Variants in SLC9A9 observed in about 807,000 individuals in gnomAD.
SLC9A9 encodes the protein sodium/hydrogen exchanger 9.
Under a neutral mutation model 77.8 loss-of-function variants are expected in SLC9A9, and 62 were observed. That is an observed-to-expected ratio of 0.80 (90% confidence interval 0.65 to 0.98). The LOEUF (loss-of-function observed/expected upper bound fraction) is 0.98. Ranked by LOEUF, SLC9A9 falls within the 50% of genes least tolerant of loss-of-function variation. The pLI, the probability that SLC9A9 is intolerant of heterozygous loss-of-function variation, is 0.00. For missense variants in SLC9A9, 775 were observed against 774.9 expected (o/e 1.00, Z 0.00); for synonymous variants, 320 against 283.5 (o/e 1.13, Z -1.29).
At chr3:143,448,480 G>A (rs116554846) in intron 12 of SLC9A9, among the ~76,000 whole-genome samples, 2,068 of 152,144 alleles carry the variant, frequency 0.014, 51 homozygotes, top group African/African-American at 0.047. Context: ...TCTGGAATCA[G>A]GACAAAGTTT....
chr3:143,664,828 CA>C (rs1201014745), intron 5 of SLC9A9, among the ~76,000 whole-genome samples: 2 of 152,218 alleles, frequency 1.3e-5, no homozygotes, highest in African/African-American at 4.8e-5. Context: ...CACCCAGCTT[CA>C]TAAAGCAAGT....
At chr3:143,452,719 T>C (rs1240668459) in intron 12 of SLC9A9, among the ~76,000 whole-genome samples, 1 of 139,282 alleles carries the variant, frequency 7.2e-6, no homozygotes, top group Non-Finnish European at 1.6e-5. Context: ...ACTTTGGTTA[T>C]CTAAGAGAAT....
At chr3:143,520,837 G>A (rs1384509618) in intron 9 of SLC9A9, among the ~76,000 whole-genome samples, 1 of 152,186 alleles carries the variant, frequency 6.6e-6, no homozygotes, top group Admixed American at 6.5e-5. Flanking sequence ...GACCACTGAT[G>A]TTGAACATTT....
rs552698710 is a variant in SLC9A9, at chr3:143,368,261, A to T, written c.1525-4698T>A. 8.2e-4 allele frequency among the ~76,000 whole-genome samples: 125 copies of T among 152,312 alleles called. No individual in the cohort carries two copies. The Middle Eastern group carries it at 0.01, about 12-fold the overall frequency. On this transcript the variant is annotated intron_variant, in intron 13 of 15. Transcript: ENST00000316549. ...ACACCCTCTAGAGAGGGAGCAACAG[A>T]AAAATTATGATGGTACTCTGTTTTG...
chr3:143,384,298 C>T (rs1020000239), intron 12 of SLC9A9, among the ~76,000 whole-genome samples: 5 of 152,132 alleles, frequency 3.3e-5, no homozygotes, highest in Non-Finnish European at 7.3e-5. Context: ...CCAGGCCACT[C>T]TCACAGCTGT....
intron 6 of SLC9A9, among the ~76,000 whole-genome samples, chr3:143,641,503 C>A (rs1034858126): frequency 2.1e-5 from 3 of 144,000 alleles, no homozygotes; most frequent in African/African-American, 7.7e-5. Context: ...ATGCCATTAT[C>A]CTGCTTCAGC....
chr3:143,491,058 G>T (rs1347972576), intron 11 of SLC9A9, among the ~76,000 whole-genome samples: 1 of 152,104 alleles, frequency 6.6e-6, no homozygotes, highest in East Asian at 1.9e-4. Flanking sequence ...GTGCACCTCG[G>T]CCCAAGATGA....
At chr3:143,678,424 A>T (rs2108771111) in intron 5 of SLC9A9, among the ~76,000 whole-genome samples, 1 of 152,258 alleles carries the variant, frequency 6.6e-6, no homozygotes, top group Admixed American at 6.5e-5. Flanking sequence ...GTAGTTTTTT[A>T]AAATTTCATT....
intron 4 of SLC9A9, among the ~76,000 whole-genome samples, chr3:143,737,966 A>G (rs1934985036): frequency 6.6e-6 from 1 of 152,202 alleles, no homozygotes; most frequent in African/African-American, 2.4e-5. Flanking sequence ...TAAAAACCCT[A>G]TGAGAATGTA....
At chr3:143,284,296 A>G (rs1239265083) in intron 14 of SLC9A9, among the ~76,000 whole-genome samples, 1 of 152,166 alleles carries the variant, frequency 6.6e-6, no homozygotes, top group East Asian at 1.9e-4. Flanking sequence ...GTCCCAAATG[A>G]TAATTGTTCT....
At chr3:143,444,404 A>G (rs1029428870) in intron 12 of SLC9A9, among the ~76,000 whole-genome samples, 1 of 152,210 alleles carries the variant, frequency 6.6e-6, no homozygotes, top group African/African-American at 2.4e-5. Context: ...GGCAGATGCA[A>G]CCAGCCCAGG....
intron 14 of SLC9A9, among the ~76,000 whole-genome samples, chr3:143,282,563 T>C (rs1342098861): frequency 1.3e-5 from 2 of 152,168 alleles, no homozygotes; most frequent in Non-Finnish European, 2.9e-5. Context: ...GCCAATGAAA[T>C]AGAAGTTCTT....
intron 12 of SLC9A9, among the ~76,000 whole-genome samples, chr3:143,433,286 GCTGGGTT>G (rs2034559308): frequency 6.6e-6 from 1 of 152,140 alleles, no homozygotes; most frequent in Non-Finnish European, 1.5e-5. Context: ...AGAGATGGTT[GCTGGGTT>G]CTTTGGGGGG....
At chr3:143,660,649 C>T (rs1245802247) in intron 5 of SLC9A9, among the ~76,000 whole-genome samples, 1 of 152,186 alleles carries the variant, frequency 6.6e-6, no homozygotes, top group Non-Finnish European at 1.5e-5. Context: ...GCAGTTCTAG[C>T]AAACAAATAC....
At chr3:143,359,396 A>G (rs2108480756) in intron 14 of SLC9A9, among the ~76,000 whole-genome samples, 1 of 152,280 alleles carries the variant, frequency 6.6e-6, no homozygotes, top group Middle Eastern at 3.4e-3. Context: ...GGTGAAAAAA[A>G]TAAAGCAGGA....
At chr3:143,378,606 G>A (rs6440165) in intron 13 of SLC9A9, among the ~76,000 whole-genome samples, 119,442 of 152,100 alleles carry the variant, frequency 0.79, 47,057 homozygotes, top group African/African-American at 0.81. Context: ...TTCTATTAAA[G>A]GACTGAAGGC....
chr3:143,313,045 G>A (rs994684259), intron 14 of SLC9A9: 1 of 152,144 alleles, frequency 6.6e-6, no homozygotes, highest in South Asian at 2.1e-4. Context: ...GGCTGAGGAA[G>A]TTAAAAAAAA....
chr3:143,579,607 A>AT (rs994339241), intron 6 of SLC9A9, among the ~76,000 whole-genome samples: 24 of 151,602 alleles, frequency 1.6e-4, no homozygotes, highest in African/African-American at 2.7e-4. Context: ...GACATTTCAG[A>AT]TTTTTTTTTG....
chr3:143,788,688 CAAAAAA>C (rs71140455), intron 4 of SLC9A9, among the ~76,000 whole-genome samples: 3 of 89,908 alleles, frequency 3.3e-5, no homozygotes. Flanking sequence ...GAGACTCCAT[CAAAAAA>C]AAAAAAAAAA....
Sources: allele counts gnomAD v4.1 joint callset (sites outside exome capture counted in the v4.1 genomes callset), GRCh38; gene constraint gnomAD v4.1.1; transcripts MANE v1.5; gene names NCBI Gene and HGNC (gene_info 2026-07-23, HGNC 2026-07-21).